ZDHHC14: variants seen among roughly 807,000 people sequenced by gnomAD.
The protein encoded by ZDHHC14 is zDHHC palmitoyltransferase 14.
In ZDHHC14, 16 loss-of-function variants were observed where a neutral mutation model predicts 47.7. The observed-to-expected ratio is 0.34, with a 90% CI of 0.23 to 0.51. ZDHHC14 has a LOEUF of 0.51. Ranked by LOEUF, ZDHHC14 falls within the 20% of genes least tolerant of loss-of-function variation. ZDHHC14 has a pLI of 0.97. For missense variants in ZDHHC14, 515 were observed against 662.5 expected, an observed-to-expected ratio of 0.78 and a Z score of 2.44; for synonymous variants, 293 against 278.9, an observed-to-expected ratio of 1.05 and a Z score of -0.50.
At position 157,607,050 on chromosome 6, in the gene ZDHHC14, G is replaced by A. The variant is rs200652292; in HGVS notation, c.565+13904G>A. ...ATAGATCTTACTAGTTAGCATATTCGAAGTATGTATTTTTCTATATCACGA... is the reference window on the plus strand; with the variant it reads ...ATAGATCTTACTAGTTAGCATATTCAAAGTATGTATTTTTCTATATCACGA... On this transcript the variant is annotated intron_variant, in intron 3 of 8. Transcript: ENST00000359775. Among the ~76,000 whole-genome samples, 4 of 152,020 alleles carry A rather than the reference G, an allele frequency of 2.6e-5. No individual in the cohort carries two copies. The East Asian group carries it at 7.7e-4, about 29-fold the overall frequency.
chr6:157,668,672 C>G (rs968857210), intron 8 of ZDHHC14, among the ~76,000 whole-genome samples: 20 of 152,160 alleles, frequency 1.3e-4, no homozygotes, highest in Admixed American at 1.2e-3. Flanking sequence ...TGCACTCCAG[C>G]CTGGGTGACA....
intron 4 of ZDHHC14, chr6:157,632,428 T>G (rs111882137): frequency 0.039 from 7,046 of 180,770 alleles, 536 homozygotes; most frequent in African/African-American, 0.15. Context: ...AGAAAAAGAA[T>G]TCTTTTATAC....
At chr6:157,424,582 C>A (rs569478015) in intron 1 of ZDHHC14, among the ~76,000 whole-genome samples, 2 of 152,168 alleles carry the variant, frequency 1.3e-5, no homozygotes, top group Non-Finnish European at 2.9e-5. Flanking sequence ...TGGTGCTTCG[C>A]TTGGCTATGA....
chr6:157,606,394 A>T (rs1784541037), intron 3 of ZDHHC14, among the ~76,000 whole-genome samples: 1 of 152,158 alleles, frequency 6.6e-6, no homozygotes, highest in South Asian at 2.1e-4. Flanking sequence ...TGAACCTGGG[A>T]GGTGGAGGTT....
intron 1 of ZDHHC14, among the ~76,000 whole-genome samples, chr6:157,482,539 C>T (rs1393457480): frequency 6.6e-6 from 1 of 151,998 alleles, no homozygotes; most frequent in Non-Finnish European, 1.5e-5. Flanking sequence ...CAGGCATGAG[C>T]CACCACGCCT....
intron 5 of ZDHHC14, among the ~76,000 whole-genome samples, chr6:157,634,919 G>T (rs150237468): frequency 6.6e-6 from 1 of 152,112 alleles, no homozygotes; most frequent in Non-Finnish European, 1.5e-5. Flanking sequence ...TGCTCCGTAC[G>T]TGTCCCCTGG....
chr6:157,540,503 C>T (rs752417656), intron 1 of ZDHHC14, among the ~76,000 whole-genome samples: 1 of 152,200 alleles, frequency 6.6e-6, no homozygotes. Flanking sequence ...TCTGGCCATT[C>T]ACAAGTAGCC....
chr6:157,411,605 A>G (rs1262639961), intron 1 of ZDHHC14, among the ~76,000 whole-genome samples: 2 of 152,182 alleles, frequency 1.3e-5, no homozygotes, highest in Admixed American at 1.3e-4. Context: ...AGATGTGAAA[A>G]AAAGGTTAAG....
At chr6:157,523,488 A>G (rs1420280435) in intron 1 of ZDHHC14, among the ~76,000 whole-genome samples, 3 of 152,168 alleles carry the variant, frequency 2.0e-5, no homozygotes, top group East Asian at 3.9e-4. Context: ...AAACTCCACC[A>G]CACAGACTTG....
chr6:157,613,994 T>G (rs887020011), intron 3 of ZDHHC14, among the ~76,000 whole-genome samples: 5 of 152,210 alleles, frequency 3.3e-5, no homozygotes, highest in Non-Finnish European at 7.3e-5. Context: ...TCCCTGATAT[T>G]ATATCCTTCT....
At chr6:157,633,629 T>C (rs1348477458) in intron 5 of ZDHHC14, among the ~76,000 whole-genome samples, 1 of 152,234 alleles carries the variant, frequency 6.6e-6, no homozygotes, top group Non-Finnish European at 1.5e-5. Context: ...CTTGAACTTC[T>C]CATTACTCTT....
chr6:157,459,687 G>A (rs1779020764), intron 1 of ZDHHC14, among the ~76,000 whole-genome samples: 1 of 152,124 alleles, frequency 6.6e-6, no homozygotes, highest in Admixed American at 6.5e-5. Flanking sequence ...CGCCCCAAGT[G>A]GGGTGCAGGG....
intron 5 of ZDHHC14, among the ~76,000 whole-genome samples, chr6:157,635,563 G>C (rs1443698788): frequency 2.0e-5 from 3 of 152,232 alleles, no homozygotes; most frequent in Non-Finnish European, 4.4e-5. Context: ...ATACAGGAAA[G>C]ACTCAGCTCC....
intron 3 of ZDHHC14, among the ~76,000 whole-genome samples, chr6:157,612,818 C>T (rs1424340606): frequency 1.4e-5 from 2 of 147,718 alleles, no homozygotes; most frequent in African/African-American, 5.0e-5. Flanking sequence ...ACCTTCATGT[C>T]TCCATCGTAG....
At chr6:157,565,961 C>T (rs1281282065) in intron 2 of ZDHHC14, among the ~76,000 whole-genome samples, 4 of 152,132 alleles carry the variant, frequency 2.6e-5, no homozygotes, top group African/African-American at 4.8e-5. Flanking sequence ...CAATATAACT[C>T]GGTTTCTTGA....
chr6:157,658,123 G>A (rs966500042), intron 8 of ZDHHC14, among the ~76,000 whole-genome samples: 3 of 152,066 alleles, frequency 2.0e-5, no homozygotes, highest in Non-Finnish European at 4.4e-5. Flanking sequence ...CAAGATGAGC[G>A]AGCTCAACTG....
intron 3 of ZDHHC14, among the ~76,000 whole-genome samples, chr6:157,607,621 G>A (rs536385953): frequency 1.3e-5 from 2 of 152,292 alleles, no homozygotes; most frequent in South Asian, 2.1e-4. Flanking sequence ...GCAGGGTGAG[G>A]TCTGTGCAGG....
chr6:157,427,832 C>T lies in ZDHHC14; in HGVS notation c.245+45566C>T, dbSNP rs113695033. ...AGATCCTTTCCATGACATTGTGGCC[C>T]CCAAGGACAATGGAATGGTGGGGCT... On this transcript the variant is annotated intron_variant, in intron 1 of 8. Transcript: ENST00000359775. The surrounding 1 kb of genome is among the most constrained non-coding windows in gnomAD (Gnocchi z 4.4). Among the ~76,000 whole-genome samples, 1 of 151,994 alleles carries T rather than the reference C, an allele frequency of 6.6e-6. No homozygotes were observed. The highest frequency in any genetic ancestry group is 2.4e-5 in the African/African-American group (1 of 41,360).
At chr6:157,644,003 C>A (rs1232102989) in intron 5 of ZDHHC14, among the ~76,000 whole-genome samples, 4 of 152,144 alleles carry the variant, frequency 2.6e-5, no homozygotes, top group Non-Finnish European at 5.9e-5. Flanking sequence ...CTGGCTATTT[C>A]TTGTTTCCGT....
Sources: allele counts gnomAD v4.1 joint callset (sites outside exome capture counted in the v4.1 genomes callset), GRCh38; gene constraint gnomAD v4.1.1; non-coding constraint Gnocchi (gnomAD v3.1); transcripts MANE v1.5; gene names NCBI Gene and HGNC (gene_info 2026-07-23, HGNC 2026-07-21).